Variants in IL11 observed in about 807,000 individuals in gnomAD.
IL11 encodes interleukin 11.
Under a neutral mutation model 18.1 loss-of-function variants are expected in IL11, and 17 were observed. The ratio of observed to expected loss-of-function variants is 0.94; its 90% CI spans 0.64 to 1.41. The LOEUF is 1.41. Ranked by LOEUF, IL11 falls within the 40% of genes most tolerant of loss-of-function variation. The probability of loss-of-function intolerance (pLI) is 0.00; values close to 1 mark genes in which losing one functional copy is unlikely to be tolerated. For missense variants in IL11, 309 were observed against 262.8 expected (o/e 1.18, Z -1.22); for synonymous variants, 144 against 134.1 (o/e 1.07, Z -0.51).
chr19:55,368,717 C>T (rs2089802083), intron 2 of IL11, 52 bp downstream of exon 2: 7 of 1,525,736 alleles, frequency 4.6e-6, no homozygotes, highest in Admixed American at 4.0e-5. Flanking sequence ...GACTCCTCTC[C>T]GTTCCTCTCT....
rs1275587714 is a variant in IL11 at position 55,365,934 on chromosome 19, C to T, written c.*73G>A. On this transcript the variant is annotated 3_prime_UTR_variant, in exon 5 of 5. Transcript: ENST00000264563. ...TGGCGGGGGGATCACCTGGCTGTTTCGCCCCCAGTACTGAAATAAATAAAT... is the reference window on the plus strand; with the variant it reads ...TGGCGGGGGGATCACCTGGCTGTTTTGCCCCCAGTACTGAAATAAATAAAT... The T allele has an allele frequency of 9.1e-6, 14 of 1,541,208 alleles. No individual in the cohort carries two copies. The highest frequency in any genetic ancestry group is 8.4e-5 in the South Asian group (7 of 82,956).
Position 55,364,741 on chromosome 19 carries a change from C to T in IL11, c.*1266G>A, listed in dbSNP as rs903121930. 4 of 152,210 alleles carry T rather than the reference C, an allele frequency of 2.6e-5. No homozygotes were observed. Among genetic ancestry groups the T allele is most frequent in the African/African-American group, 9.7e-5 (4 of 41,446 alleles). 9.4% of individuals were successfully genotyped at this position (152,210 alleles called of 1,614,324 possible). A position where few individuals can be genotyped will look rare whatever the true frequency, so the allele number is the denominator to read the frequency against. ...ACTTCAGTGATCCACTCGCTTCGTC[C>T]TCCCAAAGTGCCAGGATTACAGGCG... is the stretch of plus-strand genomic sequence containing the variant. On this transcript the variant is annotated 3_prime_UTR_variant, in exon 5 of 5. Coordinates refer to ENST00000264563, the MANE Select transcript of IL11 (RefSeq NM_000641.4).
Position 55,366,350 on chromosome 19 carries a change from AG to A in IL11, c.430-174del, listed in dbSNP as rs779610779. Among the ~76,000 whole-genome samples, 20 of 149,402 alleles carry A rather than the reference AG, an allele frequency of 1.3e-4. No homozygotes were observed. Among genetic ancestry groups the A allele is most frequent in the Non-Finnish European group, 2.2e-4 (15 of 67,290 alleles). On this transcript the variant is annotated intron_variant, in intron 4 of 4. Coordinates refer to ENST00000264563, the MANE Select transcript of IL11 (RefSeq NM_000641.4). This position sits in a 1 kb window ranked among gnomAD's most constrained non-coding sequence, Gnocchi z 4.6. The stretch of plus-strand genomic sequence containing the variant: ...TCAGGCTGTGGGGTTCCGAAAATGG[AG>A]GCTGGAGTCAGGACGGGCTTCCAGA...
rs987324369 is a variant in IL11 at position 55,368,270 on chromosome 19, C to T, written c.369G>A (p.Glu123=). The change falls in exon 4 of 5, where the codon GAG becomes GAA. Residue 123 remains glutamate (E), a synonymous_variant. Coordinates refer to ENST00000264563, the MANE Select transcript of IL11 (RefSeq NM_000641.4). ...GGGCCTGCAGGGTGCCCAGCTCGGGCTCCAGGGTCTTCAGGGAAGAGCCAC... is the reference window on the plus strand; with the variant it reads ...GGGCCTGCAGGGTGCCCAGCTCGGGTTCCAGGGTCTTCAGGGAAGAGCCAC... ...RAGGSSLKTL[E]PELGTLQARL... is the part of the protein sequence containing the mutation. The T allele has an allele frequency of 1.9e-6, 3 of 1,555,306 alleles. No individual in the cohort carries two copies. The highest frequency in any genetic ancestry group is 2.4e-5 in the East Asian group (1 of 41,466).
rs1382853873 is a variant in IL11, at chr19:55,365,406, G to A, written c.*601C>T. ...GGGCCCCAGGCAAGGCTCAGACCCT[G>A]CCTCCACAGAGCTGTCTGGGTGACC... On this transcript the variant is annotated 3_prime_UTR_variant, in exon 5 of 5. Transcript: ENST00000264563. The A allele has an allele frequency of 1.3e-5, 2 of 157,442 alleles. No individual in the cohort carries two copies. The highest frequency in any genetic ancestry group is 1.3e-4 in the Admixed American group (2 of 15,602). 9.8% of individuals were successfully genotyped at this position (157,442 alleles called of 1,614,324 possible).
At position 55,370,437 on chromosome 19, in the gene IL11, T is replaced by A. The variant is rs1279563778; in HGVS notation, c.-127A>T. On this transcript the variant is annotated 5_prime_UTR_variant, in exon 1 of 5. Coordinates refer to ENST00000264563, the MANE Select transcript of IL11 (RefSeq NM_000641.4). ...CCGCGGCCTGGGGAGGGGAGGCATGTGCCCTGAGCAGCAGGGCCGCGGCAG... is the reference window on the plus strand; with the variant it reads ...CCGCGGCCTGGGGAGGGGAGGCATGAGCCCTGAGCAGCAGGGCCGCGGCAG... 7.4e-5 allele frequency: 31 copies of A among 421,180 alleles called. No individual in the cohort carries two copies. Among genetic ancestry groups the A allele is most frequent in the Non-Finnish European group, 1.1e-4 (30 of 268,820 alleles). 26.1% of individuals were successfully genotyped at this position (421,180 alleles called of 1,614,324 possible).
In IL11 at chr19:55,365,782, CCCT is replaced by C; in HGVS notation, c.*222_*224del. On this transcript the variant is annotated 3_prime_UTR_variant, in exon 5 of 5. Coordinates refer to ENST00000264563, the MANE Select transcript of IL11 (RefSeq NM_000641.4). Reference sequence around the variant, plus strand: ...GACCCAAGAATCCGGGACCCCAGTCCCCTCCTCCTCGGGGACCCAGGAGTCCAC... The same window carrying C: ...GACCCAAGAATCCGGGACCCCAGTCCCCTCCTCGGGGACCCAGGAGTCCAC... The C allele has an allele frequency of 1.6e-6, 1 of 618,750 alleles. No homozygotes were observed. 38.3% of individuals were successfully genotyped at this position (618,750 alleles called of 1,614,324 possible). A position where few individuals can be genotyped will look rare whatever the true frequency, so the allele number is the denominator to read the frequency against.
In IL11 at chr19:55,364,510, C is replaced by T. The variant is rs955509131; in HGVS notation, c.*1497G>A. The T allele has an allele frequency of 3.3e-5, 5 of 152,190 alleles. No homozygotes were observed. Among genetic ancestry groups the T allele is most frequent in the African/African-American group, 1.2e-4 (5 of 41,446 alleles). 9.4% of individuals were successfully genotyped at this position (152,190 alleles called of 1,614,324 possible). A position where few individuals can be genotyped will look rare whatever the true frequency, so the allele number is the denominator to read the frequency against. ...AAGTCACCCACAATCCCACCTCTCT[C>T]CTTTGACCTGGAGACAGTCATTGTC... On this transcript the variant is annotated 3_prime_UTR_variant, in exon 5 of 5. Coordinates refer to ENST00000264563, the MANE Select transcript of IL11 (RefSeq NM_000641.4).
In IL11 at chr19:55,365,455, C is replaced by T. The variant is rs558624144; in HGVS notation, c.*552G>A. The T allele has an allele frequency of 9.0e-4, 145 of 161,594 alleles. 1 individual carries two copies. Among genetic ancestry groups the T allele is most frequent in the Non-Finnish European group, 1.6e-3 (119 of 74,784 alleles). The allele number at this position is 161,594 out of a possible 1,614,324, so 10.0% of individuals were successfully genotyped here. On this transcript the variant is annotated 3_prime_UTR_variant, in exon 5 of 5. Transcript: ENST00000264563. ...CCGACCCATCTCCCAGTCGCTGCCCCGCCCACTCGGGACCTCCACCTGAAT... is the reference window on the plus strand; with the variant it reads ...CCGACCCATCTCCCAGTCGCTGCCCTGCCCACTCGGGACCTCCACCTGAAT...
chr19:55,368,387 G>A lies in IL11; in HGVS notation c.268-16C>T. 6.3e-7 allele frequency: 1 copy of A among 1,591,046 alleles called. No individual in the cohort carries two copies. The highest frequency in any genetic ancestry group is 8.6e-7 in the Non-Finnish European group (1 of 1,163,428). On this transcript the variant is annotated splice_polypyrimidine_tract_variant and intron_variant, in intron 3 of 4. Transcript: ENST00000264563. The stretch of plus-strand genomic sequence containing the variant: ...CACCTGGGAGCTGGGGATAGAGCCG[G>A]GACATCAGAGAACACCCGACCAGTG...
At position 55,365,518 on chromosome 19, in the gene IL11, A is replaced by C. The variant is rs2089779618; in HGVS notation, c.*489T>G. 6.1e-6 allele frequency: 1 copy of C among 162,922 alleles called. No individual in the cohort carries two copies. The allele number at this position is 162,922 out of a possible 1,614,324, so 10.1% of individuals were successfully genotyped here. A position where few individuals can be genotyped will look rare whatever the true frequency, so the allele number is the denominator to read the frequency against. ...TCCACCTGCCCTGCCCCAGTTACCCAAGCATCCAGCCCCAGCTCTCAGACA... is the reference window on the plus strand; with the variant it reads ...TCCACCTGCCCTGCCCCAGTTACCCCAGCATCCAGCCCCAGCTCTCAGACA... On this transcript the variant is annotated 3_prime_UTR_variant, in exon 5 of 5. Transcript: ENST00000264563.
chr19:55,367,673 T>TGA lies in IL11; in HGVS notation c.429+536_429+537insTC, dbSNP rs1169146940. 4.9e-4 allele frequency among the ~76,000 whole-genome samples: 75 copies of TGA among 152,038 alleles called. 1 individual carries two copies. The East Asian group carries it at 0.014, about 29-fold the overall frequency. On this transcript the variant is annotated intron_variant, in intron 4 of 4. Coordinates refer to ENST00000264563, the MANE Select transcript of IL11 (RefSeq NM_000641.4). ...CAGGGTTTCACCATGTTGGTCTGGCTGGTCTTGAACTCCCGACCTCAGGTG... is the reference window on the plus strand; with the variant it reads ...CAGGGTTTCACCATGTTGGTCTGGCTGAGGTCTTGAACTCCCGACCTCAGGTG...
intron 2 of IL11, 93 bp from the exon 3 acceptor site, chr19:55,368,662 C>T (rs1390634217): frequency 1.9e-5 from 29 of 1,492,260 alleles, no homozygotes; most frequent in Non-Finnish European, 2.4e-5. Context: ...CCCTCCCTCA[C>T]TCTGCCACCT....
chr19:55,367,086 T>A (rs2123240223), intron 4 of IL11, among the ~76,000 whole-genome samples: 1 of 152,254 alleles, frequency 6.6e-6, no homozygotes, highest in Middle Eastern at 3.4e-3. Context: ...GGGTGAGGGC[T>A]GGAGTCTCAG....
At position 55,368,578 on chromosome 19, in the gene IL11, GA is replaced by G; in HGVS notation, c.181-10del. On this transcript the variant is annotated splice_polypyrimidine_tract_variant and intron_variant, in intron 2 of 4. Coordinates refer to ENST00000264563, the MANE Select transcript of IL11 (RefSeq NM_000641.4). ...GCTGGGAATTTGTCCCTCTGGCAGG[GA>G]AAAAAGCTGTGAGGTGGCCCCTGCC... is the stretch of plus-strand genomic sequence containing the variant. The G allele has an allele frequency of 1.9e-6, 3 of 1,606,684 alleles. No individual in the cohort carries two copies. The highest frequency in any genetic ancestry group is 1.7e-6 in the Non-Finnish European group (2 of 1,177,040).
chr19:55,369,497 C>T lies in IL11; in HGVS notation c.8-556G>A, dbSNP rs1569032790. The stretch of plus-strand genomic sequence containing the variant: ...ACACGGACCTCTCCCACGGGAGACC[C>T]CTTAGACGCCCTCCCAGGAGCCCCG... On this transcript the variant is annotated intron_variant, in intron 1 of 4. Coordinates refer to ENST00000264563, the MANE Select transcript of IL11 (RefSeq NM_000641.4). This position sits in a 1 kb window ranked among gnomAD's most constrained non-coding sequence, Gnocchi z 6.1. Among the ~76,000 whole-genome samples, 1 of 151,682 alleles carries T rather than the reference C, an allele frequency of 6.6e-6. No homozygotes were observed. The highest frequency in any genetic ancestry group is 6.6e-5 in the Admixed American group (1 of 15,262).
rs1243502946 is a variant in IL11 at position 55,369,542 on chromosome 19, C to T, written c.8-601G>A. ...GCCCCGCCGGGTGGGCGGCAGAAGCCCGGGCCGCAGCGCACCTGGGCGGAG... is the reference window on the plus strand; with the variant it reads ...GCCCCGCCGGGTGGGCGGCAGAAGCTCGGGCCGCAGCGCACCTGGGCGGAG... On this transcript the variant is annotated intron_variant, in intron 1 of 4. Coordinates refer to ENST00000264563, the MANE Select transcript of IL11 (RefSeq NM_000641.4). The surrounding 1 kb of genome is among the most constrained non-coding windows in gnomAD (Gnocchi z 6.1). Among the ~76,000 whole-genome samples the T allele has an allele frequency of 1.3e-5, 2 of 151,574 alleles. No individual in the cohort carries two copies. Among genetic ancestry groups the T allele is most frequent in the Admixed American group, 1.3e-4 (2 of 15,242 alleles).
In IL11 at chr19:55,368,545, C is replaced by T. The variant is rs141630906; in HGVS notation, c.205G>A (p.Asp69Asn). 1 of 1,612,612 alleles carries T rather than the reference C, an allele frequency of 6.2e-7. No individual in the cohort carries two copies. Among genetic ancestry groups the T allele is most frequent in the East Asian group, 2.2e-5 (1 of 44,872 alleles). Residue 69 changes from aspartate to asparagine, a missense_variant, in exon 3 of 5, where the codon GAC becomes AAC. Asp to Asn is a conservative substitution (Grantham distance 23). Transcript: ENST00000264563. ...QLRDKFPADG[D>N]HNLDSLPTLA... Reference sequence around the variant, plus strand: ...GTGGGCAGGGAATCCAGGTTGTGGTCCCCGTCAGCTGGGAATTTGTCCCTC... The same window carrying T: ...GTGGGCAGGGAATCCAGGTTGTGGTTCCCGTCAGCTGGGAATTTGTCCCTC...
chr19:55,368,727 TG>T, intron 2 of IL11, 41 bp downstream of exon 2: 1 of 1,537,616 alleles, frequency 6.5e-7, no homozygotes, highest in Non-Finnish European at 8.8e-7. Flanking sequence ...CGTTCCTCTC[TG>T]CCTCTCACTC....
Sources: gnomAD v4.1 joint callset for allele counts (sites outside exome capture counted in the v4.1 genomes callset) on GRCh38, gnomAD v4.1.1 for gene constraint, Gnocchi (gnomAD v3.1) non-coding constraint, MANE v1.5 for transcripts, NCBI Gene and HGNC (gene_info 2026-07-23, HGNC 2026-07-21) for gene names.